The following MGAT5 variants were observed in gnomAD, a reference collection of about 807,000 sequenced individuals.
MGAT5 encodes the protein alpha-1,6-mannosylglycoprotein 6-beta-N-acetylglucosaminyltransferase.
In MGAT5, 30 loss-of-function variants were observed where a neutral mutation model predicts 94.3. The ratio of observed to expected loss-of-function variants is 0.32; its 90% CI spans 0.24 to 0.43. MGAT5 has a LOEUF of 0.43. Ranked by LOEUF, MGAT5 falls within the 20% of genes least tolerant of loss-of-function variation. The probability of loss-of-function intolerance (pLI) is 1.00; values close to 1 mark genes in which losing one functional copy is unlikely to be tolerated. For synonymous variants in MGAT5, 310 were observed against 322.9 expected (o/e 0.96, Z 0.43); for missense variants, 691 against 905.5 (o/e 0.76, Z 3.04).
chr2:134,421,909 T>C (rs1310213140), intron 12 of MGAT5, among the ~76,000 whole-genome samples: 1 of 151,970 alleles, frequency 6.6e-6, no homozygotes, highest in South Asian at 2.1e-4. Context: ...GGCTTGTGCC[T>C]GTAATCCCGG....
intron 2 of MGAT5, among the ~76,000 whole-genome samples, chr2:134,296,056 G>A (rs1685654469): frequency 6.6e-6 from 1 of 152,094 alleles, no homozygotes; most frequent in Non-Finnish European, 1.5e-5. Flanking sequence ...TTTGAATTTT[G>A]ACTCTTGAAA....
intron 1 of MGAT5, among the ~76,000 whole-genome samples, chr2:134,173,630 C>G (rs940283117): frequency 6.6e-6 from 1 of 152,194 alleles, no homozygotes; most frequent in Non-Finnish European, 1.5e-5. Flanking sequence ...TCCAGCATGT[C>G]ATATACCTAG....
At chr2:134,433,069 GT>G (rs796522720) in intron 14 of MGAT5, among the ~76,000 whole-genome samples, 2 of 152,166 alleles carry the variant, frequency 1.3e-5, no homozygotes, top group African/African-American at 4.8e-5. Context: ...AAACTCATTT[GT>G]CCCTGTTAGC....
chr2:134,257,855 T>TTTTTTG (rs1683075013), intron 1 of MGAT5, among the ~76,000 whole-genome samples: 1 of 148,178 alleles, frequency 6.7e-6, no homozygotes, highest in Non-Finnish European at 1.5e-5. Context: ...TTTTTTTTTT[T>TTTTTTG]GCCATAAATG....
chr2:134,225,604 G>A (rs932444718), intron 1 of MGAT5, among the ~76,000 whole-genome samples: 2 of 152,186 alleles, frequency 1.3e-5, no homozygotes, highest in African/African-American at 4.8e-5. Context: ...ACGTTCAAGT[G>A]TATAGATCAG....
At chr2:134,189,662 C>T (rs966396933) in intron 1 of MGAT5, among the ~76,000 whole-genome samples, 11 of 136,672 alleles carry the variant, frequency 8.0e-5, no homozygotes, top group South Asian at 2.4e-4. Flanking sequence ...AGTGCAATGG[C>T]GTGATCTTGG....
rs1044155116 is a variant in MGAT5 at position 134,279,301 on chromosome 2, C to T, written c.406+8751C>T. ...AAGTTTACTGCTAAATTGTTAAGAC[C>T]GGAAGAGCCTTTGTTTCACTTCACT... On this transcript the variant is annotated intron_variant, in intron 2 of 15. Coordinates refer to ENST00000281923, the MANE Select transcript of MGAT5 (RefSeq NM_002410.5). Among the ~76,000 whole-genome samples, 8 of 151,942 alleles carry T rather than the reference C, an allele frequency of 5.3e-5. No homozygotes were observed. In the East Asian group the frequency reaches 5.8e-4, roughly 11 times the overall value.
intron 10 of MGAT5, among the ~76,000 whole-genome samples, chr2:134,378,066 C>A (rs894633523): frequency 6.6e-6 from 1 of 152,206 alleles, no homozygotes; most frequent in Non-Finnish European, 1.5e-5. Flanking sequence ...GATTGATATT[C>A]AGCTCCAAAT....
At chr2:134,252,266 G>C (rs759743562), upstream of MGAT5, among the ~76,000 whole-genome samples, 1 of 152,178 alleles carries the variant, frequency 6.6e-6, no homozygotes, top group East Asian at 1.9e-4. Context: ...AGGAGCAGCC[G>C]AGTGAAGAAG....
intron 2 of MGAT5, among the ~76,000 whole-genome samples, chr2:134,305,491 A>C (rs1686269338): frequency 6.6e-6 from 1 of 152,194 alleles, no homozygotes; most frequent in South Asian, 2.1e-4. Flanking sequence ...TCAGTTATTG[A>C]TTCCATATTT....
At chr2:134,273,855 G>T (rs1026926115) in intron 2 of MGAT5, among the ~76,000 whole-genome samples, 1 of 152,102 alleles carries the variant, frequency 6.6e-6, no homozygotes, top group Non-Finnish European at 1.5e-5. Context: ...AAGAGAAAGG[G>T]GACTCAAAGG....
At chr2:134,178,169 A>G (rs140513347) in intron 1 of MGAT5, among the ~76,000 whole-genome samples, 46 of 152,280 alleles carry the variant, frequency 3.0e-4, no homozygotes, top group African/African-American at 1.0e-3. Flanking sequence ...TTTAGGCTGT[A>G]AAAACATCTA....
chr2:134,350,047 A>G (rs1329355629), intron 9 of MGAT5, 109 bp downstream of exon 9: 2 of 1,228,082 alleles, frequency 1.6e-6, no homozygotes, highest in Non-Finnish European at 2.3e-6. Context: ...TAGCTGTAGA[A>G]GTGTGTGCTG....
At chr2:134,222,660 G>C (rs949718046) in intron 1 of MGAT5, among the ~76,000 whole-genome samples, 1 of 152,210 alleles carries the variant, frequency 6.6e-6, no homozygotes, top group African/African-American at 2.4e-5. Flanking sequence ...TAGTATTTGG[G>C]AGAGAAAAGC....
chr2:134,186,046 G>C lies in MGAT5; in HGVS notation c.-143+65755G>C, dbSNP rs141400416. Among the ~76,000 whole-genome samples the C allele has an allele frequency of 3.0e-3, 462 of 152,330 alleles. 5 individuals are homozygous for C. Among genetic ancestry groups the C allele is most frequent in the African/African-American group, 0.011 (441 of 41,572 alleles). The stretch of plus-strand genomic sequence containing the variant: ...ACCTGTGTGGGGCTTGGGGCTCGGG[G>C]CTCACATAGCATGACTTACTGTTTG... On this transcript the variant is annotated intron_variant, in intron 1 of 16. Transcript: ENST00000409645.
At chr2:134,351,177 A>G (rs943985490) in intron 9 of MGAT5, among the ~76,000 whole-genome samples, 8 of 152,222 alleles carry the variant, frequency 5.3e-5, no homozygotes, top group Non-Finnish European at 1.0e-4. Context: ...ATGGAGCTGT[A>G]TCATCCTGCT....
intron 1 of MGAT5, among the ~76,000 whole-genome samples, chr2:134,226,856 A>G (rs1681090728): frequency 6.6e-6 from 1 of 152,180 alleles, no homozygotes; most frequent in Non-Finnish European, 1.5e-5. Context: ...TCACACAGGC[A>G]TGTAAAGCAG....
chr2:134,347,241 A>C (rs1688973104), intron 8 of MGAT5, among the ~76,000 whole-genome samples: 1 of 152,190 alleles, frequency 6.6e-6, no homozygotes. Context: ...TTGTAAATTA[A>C]ACCTAGATAA....
chr2:134,418,103 T>A (rs1200865101), intron 12 of MGAT5, among the ~76,000 whole-genome samples: 1 of 151,838 alleles, frequency 6.6e-6, no homozygotes, highest in Non-Finnish European at 1.5e-5. Flanking sequence ...AAAAAAAAAA[T>A]TAGGACACTC....
Sources: allele counts gnomAD v4.1 joint callset (sites outside exome capture counted in the v4.1 genomes callset), GRCh38; gene constraint gnomAD v4.1.1; transcripts MANE v1.5; gene names NCBI Gene and HGNC (gene_info 2026-07-23, HGNC 2026-07-21).